The following BLOC1S6 variants were observed in gnomAD, a reference collection of about 807,000 sequenced individuals.
BLOC1S6 encodes biogenesis of lysosome-related organelles complex 1 subunit 6.
Under a neutral mutation model 24.7 loss-of-function variants are expected in BLOC1S6, and 24 were observed. The ratio of observed to expected loss-of-function variants is 0.97; its 90% CI spans 0.70 to 1.37. The LOEUF is 1.37. Among genes scored for constraint, BLOC1S6 ranks in the 40% most tolerant of loss-of-function variants. BLOC1S6 has a pLI of 0.00. For synonymous variants in BLOC1S6, 76 were observed against 72.6 expected, an observed-to-expected ratio of 1.05 and a Z score of -0.23; for missense variants, 175 against 196.2, an observed-to-expected ratio of 0.89 and a Z score of 0.64.
At chr15:45,589,742 T>C (rs1893814205) in intron 1 of BLOC1S6, among the ~76,000 whole-genome samples, 1 of 152,226 alleles carries the variant, frequency 6.6e-6, no homozygotes, top group Admixed American at 6.5e-5. Flanking sequence ...TCTTCTTCTT[T>C]ACTCTCGCAC....
At chr15:45,603,541 C>A (rs1894341299) in intron 3 of BLOC1S6, among the ~76,000 whole-genome samples, 1 of 152,084 alleles carries the variant, frequency 6.6e-6, no homozygotes, top group Non-Finnish European at 1.5e-5. Flanking sequence ...GAGAACCCAT[C>A]TCTACAAAAA....
At chr15:45,602,995 C>G (rs1894322295) in intron 2 of BLOC1S6, 105 bp from the exon 3 acceptor site, 1 of 744,720 alleles carries the variant, frequency 1.3e-6, no homozygotes. Flanking sequence ...AATACATTTC[C>G]TACTTAACTA....
At chr15:45,598,101 A>C (rs916888265) in intron 2 of BLOC1S6, 6 of 156,082 alleles carry the variant, frequency 3.8e-5, no homozygotes, top group African/African-American at 1.4e-4. Context: ...TGATTATCTC[A>C]ATAGATGCAA....
intron 2 of BLOC1S6, 140 bp downstream of exon 2, chr15:45,592,416 G>T: frequency 3.8e-6 from 4 of 1,054,976 alleles, no homozygotes; most frequent in Non-Finnish European, 4.2e-6. Flanking sequence ...ATTGATAGCA[G>T]ATGGGAATAG....
chr15:45,605,881 T>A (rs1005658520), intron 4 of BLOC1S6: 54 of 278,736 alleles, frequency 1.9e-4, no homozygotes, highest in Admixed American at 1.0e-3. Context: ...TGAGCCACTG[T>A]GCCCGGCCAG....
chr15:45,590,213 G>A (rs532652669), intron 1 of BLOC1S6, among the ~76,000 whole-genome samples: 34 of 149,154 alleles, frequency 2.3e-4, no homozygotes, highest in African/African-American at 8.1e-4. Flanking sequence ...TCTTTTTTTG[G>A]TTTTTGTATT....
chr15:45,600,570 TTTC>T (rs1347570380), intron 2 of BLOC1S6, among the ~76,000 whole-genome samples: 2 of 152,194 alleles, frequency 1.3e-5, no homozygotes, highest in Admixed American at 1.3e-4. Flanking sequence ...CCATGTAATT[TTTC>T]TTCTTTAGCC....
chr15:45,588,346 T>G (rs566780381), intron 1 of BLOC1S6, among the ~76,000 whole-genome samples: 8 of 152,366 alleles, frequency 5.3e-5, no homozygotes, highest in Admixed American at 4.6e-4. Flanking sequence ...TCTTGTTTAC[T>G]TCTCCATCTG....
chr15:45,587,860 G>C, intron 1 of BLOC1S6: 1 of 670,902 alleles, frequency 1.5e-6, no homozygotes, highest in East Asian at 2.7e-5. Context: ...AAGATGATCA[G>C]CTTATAATTC....
intron 2 of BLOC1S6, among the ~76,000 whole-genome samples, chr15:45,593,508 C>T (rs1660157969): frequency 6.6e-6 from 1 of 150,952 alleles, no homozygotes; most frequent in South Asian, 2.1e-4. Context: ...TTTTTTTTAT[C>T]CCTAGCGCGC....
intron 1 of BLOC1S6, among the ~76,000 whole-genome samples, chr15:45,590,779 T>A (rs548383519): frequency 1.3e-5 from 2 of 152,204 alleles, no homozygotes; most frequent in Non-Finnish European, 2.9e-5. Flanking sequence ...ACAAGCAATG[T>A]GTTGTGATAA....
Position 45,607,309 on chromosome 15 carries a change from T to C in BLOC1S6, c.*795T>C, listed in dbSNP as rs1444195553. Reference sequence around the variant, plus strand: ...TACTCTTTCTGCTTCTTAGCGTCGTTGTCACTGCTTCTGTGGCTTTTGGGT... The same window carrying C: ...TACTCTTTCTGCTTCTTAGCGTCGTCGTCACTGCTTCTGTGGCTTTTGGGT... On this transcript the variant is annotated 3_prime_UTR_variant, in exon 5 of 5. Coordinates refer to ENST00000220531, the MANE Select transcript of BLOC1S6 (RefSeq NM_012388.4). 5 of 152,244 alleles carry C rather than the reference T, an allele frequency of 3.3e-5. No individual in the cohort carries two copies. Among genetic ancestry groups the C allele is most frequent in the African/African-American group, 1.2e-4 (5 of 41,462 alleles). The allele number at this position is 152,244 out of a possible 1,614,324, so 9.4% of individuals were successfully genotyped here. A position where few individuals can be genotyped will look rare whatever the true frequency, so the allele number is the denominator to read the frequency against.
intron 1 of BLOC1S6, among the ~76,000 whole-genome samples, chr15:45,590,956 A>C (rs1279352209): frequency 1.3e-5 from 2 of 152,190 alleles, no homozygotes; most frequent in East Asian, 3.8e-4. Flanking sequence ...CCATCTTACA[A>C]ACCATTAAAC....
chr15:45,596,778 G>A (rs900238987), intron 2 of BLOC1S6, among the ~76,000 whole-genome samples: 8 of 151,762 alleles, frequency 5.3e-5, no homozygotes, highest in African/African-American at 7.3e-5. Context: ...TCTCAGGTTC[G>A]TGATTCTTGC....
intron 1 of BLOC1S6, 102 bp downstream of exon 1, chr15:45,587,627 T>C: frequency 8.1e-7 from 1 of 1,235,358 alleles, no homozygotes; most frequent in Non-Finnish European, 1.1e-6. Context: ...AAGCGGTTTT[T>C]GGCGGCTGCG....
chr15:45,606,216 TAGAGCAACAA>T (rs1894452489), intron 4 of BLOC1S6, among the ~76,000 whole-genome samples, 169 bp from the exon 5 acceptor site: 2 of 152,210 alleles, frequency 1.3e-5, no homozygotes, highest in African/African-American at 4.8e-5. Context: ...AATAAGAGTT[TAGAGCAACAA>T]ATTTTTTTGA....
Position 45,606,455 on chromosome 15 carries a change from C to G in BLOC1S6, c.460C>G (p.Arg154Gly), listed in dbSNP as rs553672719. The change falls in exon 5 of 5, where the codon CGA (arginine) becomes GGA (glycine). Residue 154 changes from arginine to glycine, a missense_variant. By Grantham distance (125) the Arg-to-Gly change is moderately radical. Transcript: ENST00000220531. ...AGAAGAGTTGGAAAGGGAGCAGCAA[C>G]GAGAGAAGGAGTTTGAAAGAGAAAA... is the stretch of plus-strand genomic sequence containing the variant. Reference protein sequence around the residue: ...QKEELEREQQREKEFEREKQL... With the variant: ...QKEELEREQQGEKEFEREKQL... 6.2e-7 allele frequency: 1 copy of G among 1,613,970 alleles called. No homozygotes were observed. Among genetic ancestry groups the G allele is most frequent in the East Asian group, 2.2e-5 (1 of 44,872 alleles).
In BLOC1S6 at chr15:45,607,906, C is replaced by G. The variant is rs1566906529; in HGVS notation, c.*1392C>G. On this transcript the variant is annotated 3_prime_UTR_variant, in exon 5 of 5. Coordinates refer to ENST00000220531, the MANE Select transcript of BLOC1S6 (RefSeq NM_012388.4). ...GGCAGCGTGATACCTTTAGTGTTTT[C>G]TAGAATTTTTTTCTGGATATTATAT... 1 of 152,080 alleles carries G rather than the reference C, an allele frequency of 6.6e-6. No individual in the cohort carries two copies. Among genetic ancestry groups the G allele is most frequent in the Non-Finnish European group, 1.5e-5 (1 of 68,014 alleles). 9.4% of individuals were successfully genotyped at this position (152,080 alleles called of 1,614,324 possible).
chr15:45,587,373 G>C, upstream of BLOC1S6: 1 of 1,419,876 alleles, frequency 7.0e-7, no homozygotes, highest in Non-Finnish European at 9.7e-7. Flanking sequence ...AGCCGCTGGA[G>C]TCGTTAGGTG....
Sources: gnomAD v4.1 joint callset for allele counts (sites outside exome capture counted in the v4.1 genomes callset) on GRCh38, gnomAD v4.1.1 for gene constraint, MANE v1.5 for transcripts, NCBI Gene and HGNC (gene_info 2026-07-23, HGNC 2026-07-21) for gene names.